Variants in DNAH7 observed in about 807,000 individuals in gnomAD.
The protein encoded by DNAH7 is axonemal beta dynein heavy chain 7.
Under a neutral mutation model 444.6 loss-of-function variants are expected in DNAH7, and 397 were observed. The observed-to-expected ratio is 0.89, with a 90% CI of 0.82 to 0.97. The LOEUF is 0.97. DNAH7 is among the 50% of genes least tolerant of loss of function. The pLI is 0.00. For synonymous variants in DNAH7, 1,636 were observed against 1,624.4 expected, an observed-to-expected ratio of 1.01 and a Z score of -0.17; for missense variants, 4,902 against 4,800.8, an observed-to-expected ratio of 1.02 and a Z score of -0.62.
intron 54 of DNAH7, among the ~76,000 whole-genome samples, chr2:195,800,359 C>T (rs6434799): frequency 0.71 from 107,642 of 152,076 alleles, 38,182 homozygotes; most frequent in Non-Finnish European, 0.73. Flanking sequence ...ATTCCAATCA[C>T]GGCAAGTGGA....
Position 195,882,824 on chromosome 2 carries a change from C to T in DNAH7, c.5764-832G>A, listed in dbSNP as rs563436053. ...CCTTCACAACCAGGCCTCACTGATGCACATGCTGGTCCCCCCACCCCGCTT... is the reference window on the plus strand; with the variant it reads ...CCTTCACAACCAGGCCTCACTGATGTACATGCTGGTCCCCCCACCCCGCTT... On this transcript the variant is annotated intron_variant, in intron 35 of 64. Transcript: ENST00000312428. 3.1e-4 allele frequency among the ~76,000 whole-genome samples: 47 copies of T among 152,272 alleles called. No individual in the cohort carries two copies. In the South Asian group the frequency reaches 8.3e-3, roughly 27 times the overall value.
intron 12 of DNAH7, chr2:195,995,172 C>A (rs1222216208): frequency 6.2e-6 from 2 of 321,330 alleles, no homozygotes; most frequent in East Asian, 1.6e-4. Flanking sequence ...TCGTGACCTG[C>A]CCACCTTGGC....
chr2:196,039,886 T>C (rs1164776576), intron 5 of DNAH7, among the ~76,000 whole-genome samples: 1 of 151,166 alleles, frequency 6.6e-6, no homozygotes, highest in Admixed American at 6.6e-5. Context: ...GAAAAAATCA[T>C]TAAAGACTAT....
In DNAH7 at chr2:195,936,894, G is replaced by A. The variant is rs79243070; in HGVS notation, c.3079-102C>T. 9.2e-5 allele frequency: 93 copies of A among 1,008,616 alleles called. 1 individual carries two copies. In the East Asian group the frequency reaches 2.6e-3, roughly 29 times the overall value. The allele number at this position is 1,008,616 out of a possible 1,614,324, so 62.5% of individuals were successfully genotyped here. A position where few individuals can be genotyped will look rare whatever the true frequency, so the allele number is the denominator to read the frequency against. ...ATTATATGTTTGTAATCAAACAAAGGTTATGTAAATTTTAAGGGGAGTATT... is the reference window on the plus strand; with the variant it reads ...ATTATATGTTTGTAATCAAACAAAGATTATGTAAATTTTAAGGGGAGTATT... On this transcript the variant is annotated intron_variant, in intron 19 of 64. Transcript: ENST00000312428.
At chr2:195,946,286 G>A (rs1259752893) in intron 19 of DNAH7, among the ~76,000 whole-genome samples, 1 of 152,130 alleles carries the variant, frequency 6.6e-6, no homozygotes, top group East Asian at 1.9e-4. Flanking sequence ...TGAAATTAAA[G>A]GCTGAAGATT....
chr2:195,889,031 T>C (rs1701864495), intron 31 of DNAH7, 50 bp from the exon 32 acceptor site: 3 of 1,482,992 alleles, frequency 2.0e-6, no homozygotes, highest in Non-Finnish European at 2.8e-6. Context: ...GATGATAATA[T>C]AAAGAAACAG....
intron 61 of DNAH7, among the ~76,000 whole-genome samples, chr2:195,769,569 A>T (rs1694741612): frequency 6.6e-6 from 1 of 151,938 alleles, no homozygotes; most frequent in South Asian, 2.1e-4. Flanking sequence ...TGTCCTACAC[A>T]TTCCTTCCCT....
At chr2:196,037,057 ATCC>A (rs1696439926) in intron 5 of DNAH7, among the ~76,000 whole-genome samples, 1 of 152,178 alleles carries the variant, frequency 6.6e-6, no homozygotes, top group Admixed American at 6.5e-5. Context: ...CCTACCTGGT[ATCC>A]CTGTCCTTAG....
At chr2:196,068,487 T>C (rs994534480) in intron 1 of DNAH7, 5 of 658,082 alleles carry the variant, frequency 7.6e-6, no homozygotes, top group African/African-American at 1.9e-5. Context: ...TTGGTTGTTA[T>C]GACGACCAAG....
chr2:195,902,241 A>C (rs1394881118), intron 27 of DNAH7: 2 of 152,184 alleles, frequency 1.3e-5, no homozygotes, highest in Non-Finnish European at 2.9e-5. Flanking sequence ...TGTTGTGTTA[A>C]TTACTAGTTA....
rs78004629 is a variant in DNAH7, at chr2:195,904,489, T to C, written c.4335+2170A>G. ...CAACTGAGTCCTTATGCCAAGGCTC[T>C]TGTAGATTGTACTAAGAAATGTGAA... On this transcript the variant is annotated intron_variant, in intron 27 of 64. Transcript: ENST00000312428. 9.2e-3 allele frequency: 1,398 copies of C among 152,276 alleles called. 5 individuals carry two copies. Among genetic ancestry groups the C allele is most frequent in the Middle Eastern group, 0.02 (6 of 294 alleles). 9.4% of individuals were successfully genotyped at this position (152,276 alleles called of 1,614,324 possible). A position where few individuals can be genotyped will look rare whatever the true frequency, so the allele number is the denominator to read the frequency against.
chr2:195,960,409 T>C lies in DNAH7; in HGVS notation c.2742A>G (p.Ala914=). 6.2e-7 allele frequency: 1 copy of C among 1,614,210 alleles called. No individual in the cohort carries two copies. The highest frequency in any genetic ancestry group is 8.5e-7 in the Non-Finnish European group (1 of 1,180,024). The change falls in exon 18 of 65, where the codon GCA becomes GCG. Residue 914 remains alanine, a synonymous_variant. Coordinates refer to ENST00000312428, the MANE Select transcript of DNAH7 (RefSeq NM_018897.3). ...TATAAGAATGGATGACAAATTCCAC[T>C]GCATCCCACTCAGTAATCATCTTCT... The part of the protein sequence containing the change: ...AMEKMITEWD[A]VEFVIHSYRE...
At chr2:195,937,343 C>T (rs1204694144) in intron 19 of DNAH7, among the ~76,000 whole-genome samples, 1 of 152,108 alleles carries the variant, frequency 6.6e-6, no homozygotes, top group Non-Finnish European at 1.5e-5. Flanking sequence ...ACACTTCTTG[C>T]TGAAGGACTG....
Position 196,015,917 on chromosome 2 carries a change from A to T in DNAH7, c.870-3011T>A, listed in dbSNP as rs149682355. 1.6e-3 allele frequency among the ~76,000 whole-genome samples: 240 copies of T among 152,368 alleles called. 1 individual carries two copies. The highest frequency in any genetic ancestry group is 5.3e-3 in the African/African-American group (220 of 41,586). ...AACAACCTAGGCTTTCAAAGGCAAC[A>T]TAGGAGCTTGTGGAGCTCTTCTTTC... On this transcript the variant is annotated intron_variant, in intron 9 of 64. Transcript: ENST00000312428.
intron 61 of DNAH7, among the ~76,000 whole-genome samples, chr2:195,763,407 TGAA>T (rs1694437626): frequency 6.6e-6 from 1 of 151,540 alleles, no homozygotes; most frequent in African/African-American, 2.4e-5. Flanking sequence ...AAAAATTAAA[TGAA>T]GAAAGTACAT....
At chr2:196,031,463 G>A (rs58623499) in intron 5 of DNAH7, among the ~76,000 whole-genome samples, 324 of 152,306 alleles carry the variant, frequency 2.1e-3, no homozygotes, top group African/African-American at 7.6e-3. Flanking sequence ...GCAAATTTCT[G>A]CAGCTGGCTT....
intron 12 of DNAH7, among the ~76,000 whole-genome samples, chr2:195,996,618 G>T (rs1037733392): frequency 2.6e-5 from 4 of 151,742 alleles, no homozygotes; most frequent in Non-Finnish European, 4.4e-5. Flanking sequence ...TACAGACAGG[G>T]TTTCACCATG....
intron 9 of DNAH7, among the ~76,000 whole-genome samples, chr2:196,017,881 T>C (rs1280643487): frequency 6.6e-6 from 1 of 152,120 alleles, no homozygotes; most frequent in Non-Finnish European, 1.5e-5. Flanking sequence ...TACAATTTAC[T>C]AAATAAGGAG....
intron 21 of DNAH7, among the ~76,000 whole-genome samples, chr2:195,928,034 T>C (rs1237945928): frequency 6.6e-6 from 1 of 152,152 alleles, no homozygotes; most frequent in Admixed American, 6.6e-5. Flanking sequence ...GTAGTGAGCA[T>C]AGTGCCCAAT....
Sources: allele counts gnomAD v4.1 joint callset (sites outside exome capture counted in the v4.1 genomes callset), GRCh38; gene constraint gnomAD v4.1.1; transcripts MANE v1.5; gene names NCBI Gene and HGNC (gene_info 2026-07-23, HGNC 2026-07-21).